GRM3: variants seen among roughly 807,000 people sequenced by gnomAD.
The protein encoded by GRM3 is glutamate metabotropic receptor 3, also known as metabotropic glutamate receptor 3.
A neutral mutation model predicts 70.5 loss-of-function variants in GRM3; 26 were observed. That is an observed-to-expected ratio of 0.37 (90% confidence interval 0.27 to 0.51). GRM3 has a LOEUF of 0.51. GRM3 is among the 20% of genes least tolerant of loss of function. The pLI is 0.93. For synonymous variants in GRM3, 443 were observed against 434.9 expected (o/e 1.02, Z -0.23); for missense variants, 859 against 1,123.8 (o/e 0.76, Z 3.37).
chr7:86,738,768 TA>T (rs1357709950), intron 1 of GRM3, among the ~76,000 whole-genome samples: 1 of 152,230 alleles, frequency 6.6e-6, no homozygotes, highest in Non-Finnish European at 1.5e-5. Flanking sequence ...CCCAAGTAAT[TA>T]TTTTTAATTG....
intron 2 of GRM3, among the ~76,000 whole-genome samples, chr7:86,776,736 A>G (rs562156237): frequency 6.6e-6 from 1 of 152,300 alleles, no homozygotes; most frequent in Middle Eastern, 3.4e-3. Flanking sequence ...TTCAAGAGAC[A>G]TTGTCAAAAA....
intron 1 of GRM3, among the ~76,000 whole-genome samples, chr7:86,704,315 G>A (rs1262430663): frequency 6.6e-6 from 1 of 151,852 alleles, no homozygotes; most frequent in African/African-American, 2.4e-5. Flanking sequence ...AGATAGTTAT[G>A]ATTTATTCAT....
At chr7:86,781,303 A>G (rs1193839355) in intron 2 of GRM3, among the ~76,000 whole-genome samples, 1 of 152,184 alleles carries the variant, frequency 6.6e-6, no homozygotes, top group Non-Finnish European at 1.5e-5. Flanking sequence ...GAAAACTGAA[A>G]TAGCTCTTCT....
chr7:86,741,542 G>A (rs1156508371), intron 1 of GRM3, among the ~76,000 whole-genome samples: 1 of 152,152 alleles, frequency 6.6e-6, no homozygotes, highest in Non-Finnish European at 1.5e-5. Context: ...TGATGAACTG[G>A]TGTGAGCTAC....
chr7:86,791,769 G>T (rs990618846), intron 3 of GRM3, among the ~76,000 whole-genome samples: 1 of 152,128 alleles, frequency 6.6e-6, no homozygotes, highest in Admixed American at 6.5e-5. Flanking sequence ...TTCTTTTTAA[G>T]ATACCTTTAA....
chr7:86,784,147 T>C (rs901226661), intron 2 of GRM3: 1 of 152,228 alleles, frequency 6.6e-6, no homozygotes, highest in African/African-American at 2.4e-5. Context: ...CCTGCCTTCA[T>C]TGTAAATTAT....
In GRM3 at chr7:86,743,787, A is replaced by T. The variant is rs1313431979; in HGVS notation, c.-140-21219A>T. Among the ~76,000 whole-genome samples the T allele has an allele frequency of 2.6e-5, 4 of 152,176 alleles. No homozygotes were observed. The East Asian group carries it at 7.7e-4, about 29-fold the overall frequency. On this transcript the variant is annotated intron_variant, in intron 1 of 5. Transcript: ENST00000361669. ...GCAAGATCTCTGTGGGCTAGAAAAGAGTGTTCAGCCCCTCCTCCAAATCTA... is the reference window on the plus strand; with the variant it reads ...GCAAGATCTCTGTGGGCTAGAAAAGTGTGTTCAGCCCCTCCTCCAAATCTA...
chr7:86,829,613 A>T (rs1295673002), intron 3 of GRM3, among the ~76,000 whole-genome samples: 1 of 152,140 alleles, frequency 6.6e-6, no homozygotes, highest in East Asian at 1.9e-4. Context: ...GCCTGAGGTG[A>T]TGGAGAGAGA....
At chr7:86,734,937 CT>C (rs1195197469) in intron 1 of GRM3, among the ~76,000 whole-genome samples, 3 of 152,052 alleles carry the variant, frequency 2.0e-5, no homozygotes, top group Non-Finnish European at 2.9e-5. Context: ...TGTAAAAGCT[CT>C]TTTCTCAAAT....
chr7:86,832,038 A>T (rs1446107109), intron 3 of GRM3, among the ~76,000 whole-genome samples: 2 of 152,016 alleles, frequency 1.3e-5, no homozygotes, highest in Non-Finnish European at 2.9e-5. Context: ...ATTCTTTCCT[A>T]TCTTCTTGCT....
chr7:86,700,290 A>G (rs910298716), intron 1 of GRM3, among the ~76,000 whole-genome samples: 2 of 152,032 alleles, frequency 1.3e-5, no homozygotes, highest in Non-Finnish European at 2.9e-5. Flanking sequence ...AAAAGCATGA[A>G]ATTACAACTG....
At chr7:86,734,310 G>C (rs1223486187) in intron 1 of GRM3, among the ~76,000 whole-genome samples, 1 of 152,108 alleles carries the variant, frequency 6.6e-6, no homozygotes, top group African/African-American at 2.4e-5. Context: ...CTGCTCACTG[G>C]TTTTGGCCAT....
chr7:86,708,419 AATT>A (rs1200517889), intron 1 of GRM3, among the ~76,000 whole-genome samples: 2 of 152,190 alleles, frequency 1.3e-5, no homozygotes, highest in African/African-American at 4.8e-5. Context: ...AGCAGCAGGG[AATT>A]TTATCCATGA....
chr7:86,763,868 G>T (rs527282225), intron 1 of GRM3, among the ~76,000 whole-genome samples: 80 of 152,210 alleles, frequency 5.3e-4, no homozygotes, highest in Non-Finnish European at 9.1e-4. Flanking sequence ...GTGCTTTGGG[G>T]GGTGGTAGCA....
At chr7:86,698,677 A>G (rs915387640) in intron 1 of GRM3, among the ~76,000 whole-genome samples, 1 of 151,792 alleles carries the variant, frequency 6.6e-6, no homozygotes, top group Non-Finnish European at 1.5e-5. Flanking sequence ...TAAAAACTGG[A>G]AAAAGTGGTG....
At position 86,833,415 on chromosome 7, in the gene GRM3, AAAG is replaced by A. The variant is rs995602828; in HGVS notation, c.1325-5421_1325-5419del. Reference sequence around the variant, plus strand: ...GTATGATAATAATAATAATAATAATAAAGAAAAAAAAGAACTATACAACTGATT... The same window carrying A: ...GTATGATAATAATAATAATAATAATAAAAAAAAAGAACTATACAACTGATT... On this transcript the variant is annotated intron_variant, in intron 3 of 5. Coordinates refer to ENST00000361669, the MANE Select transcript of GRM3 (RefSeq NM_000840.3). Among the ~76,000 whole-genome samples, 22 of 118,078 alleles carry A rather than the reference AAAG, an allele frequency of 1.9e-4. No individual in the cohort carries two copies. The South Asian group carries it at 1.9e-3, about 10-fold the overall frequency. 77.5% of individuals were successfully genotyped at this position (118,078 alleles called of 152,430 possible). A position where few individuals can be genotyped will look rare whatever the true frequency, so the allele number is the denominator to read the frequency against.
intron 5 of GRM3, among the ~76,000 whole-genome samples, chr7:86,855,777 C>T (rs138484161): frequency 6.1e-4 from 93 of 152,202 alleles, no homozygotes; most frequent in African/African-American, 2.1e-3. Flanking sequence ...GGGGCAATGG[C>T]CTAGTTAGCA....
chr7:86,791,538 TAA>T lies in GRM3; in HGVS notation c.1324+4423_1324+4424del, dbSNP rs546132948. 1.2e-3 allele frequency among the ~76,000 whole-genome samples: 184 copies of T among 152,334 alleles called. No individual in the cohort carries two copies. In the Middle Eastern group the frequency reaches 0.014, roughly 11 times the overall value. On this transcript the variant is annotated intron_variant, in intron 3 of 5. Coordinates refer to ENST00000361669, the MANE Select transcript of GRM3 (RefSeq NM_000840.3). Reference sequence around the variant, plus strand: ...CGCCCAAGATCAGTCAGCTGGTTAGTAACAGGGGCCAGGACTGTTAGCTCGTT... The same window carrying T: ...CGCCCAAGATCAGTCAGCTGGTTAGTCAGGGGCCAGGACTGTTAGCTCGTT...
At chr7:86,733,120 C>G (rs769604968) in intron 1 of GRM3, among the ~76,000 whole-genome samples, 65 of 152,078 alleles carry the variant, frequency 4.3e-4, no homozygotes, top group Non-Finnish European at 8.4e-4. Context: ...CGAGACCATC[C>G]TGGCTAACAT....
Sources: allele counts gnomAD v4.1 joint callset (sites outside exome capture counted in the v4.1 genomes callset), GRCh38; gene constraint gnomAD v4.1.1; transcripts MANE v1.5; gene names NCBI Gene and HGNC (gene_info 2026-07-23, HGNC 2026-07-21).